Variants in NOMO1 observed in about 807,000 individuals in gnomAD.
NOMO1 encodes NODAL modulator 1.
In NOMO1, 40 loss-of-function variants were observed where a neutral mutation model predicts 133.8. The observed-to-expected ratio is 0.30, with a 90% CI of 0.23 to 0.39. The LOEUF is 0.39. Among genes scored for constraint, NOMO1 ranks in the 10% least tolerant of loss-of-function variants. The pLI is 1.00. For missense variants in NOMO1, 462 were observed against 1,419.9 expected, an observed-to-expected ratio of 0.33 and a Z score of 10.84; for synonymous variants, 236 against 570.5, an observed-to-expected ratio of 0.41 and a Z score of 8.36.
At chr16:14,843,266 T>C (rs1963632571) in intron 3 of NOMO1, among the ~76,000 whole-genome samples, 2 of 143,136 alleles carry the variant, frequency 1.4e-5, no homozygotes, top group African/African-American at 5.3e-5. Context: ...TCTCTTCTAC[T>C]GTTGATGGCC....
At chr16:14,858,946 G>A (rs1180632848) in intron 11 of NOMO1, among the ~76,000 whole-genome samples, 1 of 151,968 alleles carries the variant, frequency 6.6e-6, no homozygotes, top group Non-Finnish European at 1.5e-5. Flanking sequence ...GACAGAAAGA[G>A]AAGCCAGTTA....
intron 23 of NOMO1, among the ~76,000 whole-genome samples, chr16:14,879,785 A>T (rs1234461932): frequency 6.7e-6 from 1 of 149,434 alleles, no homozygotes; most frequent in Non-Finnish European, 1.5e-5. Flanking sequence ...TATGACTTCT[A>T]CCTCTCTGAG....
intron 9 of NOMO1, among the ~76,000 whole-genome samples, chr16:14,854,356 A>G (rs1411825668): frequency 7.8e-6 from 1 of 128,006 alleles, no homozygotes; most frequent in Non-Finnish European, 1.6e-5. Flanking sequence ...TTTTTTTAAG[A>G]TAGGGTCTCA....
At chr16:14,862,152 G>A (rs944045844) in intron 11 of NOMO1, among the ~76,000 whole-genome samples, 1 of 151,578 alleles carries the variant, frequency 6.6e-6, no homozygotes, top group Non-Finnish European at 1.5e-5. Flanking sequence ...TTATCTTTAT[G>A]TCAGAAGTAA....
intron 15 of NOMO1, among the ~76,000 whole-genome samples, chr16:14,867,159 TATATATATATATA>T (rs1432234257): frequency 9.3e-5 from 2 of 21,516 alleles, no homozygotes; most frequent in African/African-American, 2.3e-4. Flanking sequence ...GATATATATA[TATATATATATATA>T]TATATTTTTT....
At chr16:14,845,909 C>T (rs1963673189) in intron 4 of NOMO1, among the ~76,000 whole-genome samples, 1 of 151,774 alleles carries the variant, frequency 6.6e-6, no homozygotes, top group Admixed American at 6.6e-5. Flanking sequence ...TCACCACAAC[C>T]TCCGCCTCCT....
rs1301893583 is a variant in NOMO1, at chr16:14,874,583, C to G, written c.2055-453C>G. 7.2e-5 allele frequency among the ~76,000 whole-genome samples: 11 copies of G among 152,146 alleles called. No homozygotes were observed. The East Asian group carries it at 2.1e-3, about 29-fold the overall frequency. On this transcript the variant is annotated intron_variant, in intron 18 of 30. Coordinates refer to ENST00000287667, the MANE Select transcript of NOMO1 (RefSeq NM_014287.4). ...TATTTTTCTTTATTGCACTTTTCCT[C>G]TGGTATTATTTTTCTCTTTATTTTC... is the stretch of plus-strand genomic sequence containing the variant.
chr16:14,839,319 G>C (rs1312148058), intron 2 of NOMO1, among the ~76,000 whole-genome samples: 2 of 151,934 alleles, frequency 1.3e-5, no homozygotes, highest in Admixed American at 6.6e-5. Flanking sequence ...GCCTCCCAAA[G>C]TGCTGGGATT....
intron 11 of NOMO1, among the ~76,000 whole-genome samples, chr16:14,860,548 G>A (rs1295708138): frequency 2.0e-5 from 3 of 151,860 alleles, no homozygotes; most frequent in African/African-American, 7.3e-5. Context: ...GGTAGTGGCC[G>A]GGCCCAGGCG....
At chr16:14,841,925 C>T (rs1201802205) in intron 3 of NOMO1, among the ~76,000 whole-genome samples, 1 of 151,716 alleles carries the variant, frequency 6.6e-6, no homozygotes, top group Non-Finnish European at 1.5e-5. Context: ...TCCTCACTGT[C>T]GAGCAAGGGT....
At chr16:14,838,945 A>G (rs1392625850) in intron 2 of NOMO1, among the ~76,000 whole-genome samples, 1 of 151,760 alleles carries the variant, frequency 6.6e-6, no homozygotes, top group African/African-American at 2.4e-5. Context: ...TGAAAAAGAA[A>G]GTCAAGGTCT....
rs538499629 is a variant in NOMO1 at position 14,837,426 on chromosome 16, C to T, written c.166-981C>T. Among the ~76,000 whole-genome samples, 6 of 152,246 alleles carry T rather than the reference C, an allele frequency of 3.9e-5. No individual in the cohort carries two copies. In the East Asian group the frequency reaches 1.2e-3, roughly 29 times the overall value. ...TGTGTCTACATCTGAAGAAACCGAA[C>T]ACGAGCTTGCCCAAGGCCACGCAAC... On this transcript the variant is annotated intron_variant, in intron 1 of 30. Transcript: ENST00000287667.
At chr16:14,874,706 T>G (rs1446574861) in intron 18 of NOMO1, among the ~76,000 whole-genome samples, 3 of 151,960 alleles carry the variant, frequency 2.0e-5, no homozygotes, top group Non-Finnish European at 2.9e-5. Context: ...ATCAGAGCAG[T>G]TCTCAGCGAA....
intron 16 of NOMO1, among the ~76,000 whole-genome samples, chr16:14,869,868 C>T (rs1964057132): frequency 7.0e-6 from 1 of 142,698 alleles, no homozygotes; most frequent in Admixed American, 7.2e-5. Context: ...CAGCAATGCA[C>T]GAGGGTTCCG....
chr16:14,879,812 A>G (rs1215620673), intron 23 of NOMO1, among the ~76,000 whole-genome samples: 1 of 150,688 alleles, frequency 6.6e-6, no homozygotes, highest in Non-Finnish European at 1.5e-5. Context: ...CAGGCAGGTG[A>G]TACCATCAGC....
intron 18 of NOMO1, among the ~76,000 whole-genome samples, chr16:14,874,518 T>C (rs1298576855): frequency 6.6e-6 from 1 of 152,082 alleles, no homozygotes; most frequent in Non-Finnish European, 1.5e-5. Context: ...CCCTTTAATG[T>C]AAAACAGTGC....
chr16:14,845,194 T>C (rs1963661243), intron 4 of NOMO1, among the ~76,000 whole-genome samples: 1 of 151,858 alleles, frequency 6.6e-6, no homozygotes, highest in African/African-American at 2.4e-5. Flanking sequence ...TGTGCCACCA[T>C]GCCTGGCTAA....
At chr16:14,882,815 T>C (rs1964264273) in intron 26 of NOMO1, 138 bp downstream of exon 26, 4 of 1,509,142 alleles carry the variant, frequency 2.7e-6, no homozygotes, top group Non-Finnish European at 3.6e-6. Flanking sequence ...CTTAGAATAG[T>C]GTCATCTTCA....
chr16:14,846,053 G>A (rs1391298419), intron 4 of NOMO1, among the ~76,000 whole-genome samples: 3 of 127,640 alleles, frequency 2.4e-5, no homozygotes, highest in Non-Finnish European at 3.2e-5. Context: ...TTAAGATGGA[G>A]TCTCCCTCTG....
Sources: gnomAD v4.1 joint callset for allele counts (sites outside exome capture counted in the v4.1 genomes callset) on GRCh38, gnomAD v4.1.1 for gene constraint, MANE v1.5 for transcripts, NCBI Gene and HGNC (gene_info 2026-07-23, HGNC 2026-07-21) for gene names.